The following PLOD2 variants were observed in gnomAD, a reference collection of about 807,000 sequenced individuals.
PLOD2 encodes the protein lysine hydroxylase 2.
In PLOD2, 65 loss-of-function variants were observed where a neutral mutation model predicts 101.0. That is an observed-to-expected ratio of 0.64 (90% CI 0.53 to 0.79). The LOEUF is 0.79. Among genes scored for constraint, PLOD2 ranks in the 30% least tolerant of loss-of-function variants. The pLI is 0.00. For missense variants in PLOD2, 909 were observed against 914.6 expected (o/e 0.99, Z 0.08); for synonymous variants, 314 against 302.9 (o/e 1.04, Z -0.38).
chr3:146,114,972 A>C (rs1386219968), intron 3 of PLOD2, among the ~76,000 whole-genome samples: 1 of 152,148 alleles, frequency 6.6e-6, no homozygotes, highest in African/African-American at 2.4e-5. Flanking sequence ...TTCTGTAGAA[A>C]ACTTGGGGGG....
At position 146,081,811 on chromosome 3, in the gene PLOD2, A is replaced by G; in HGVS notation, c.1285T>C (p.Trp429Arg). The stretch of plus-strand genomic sequence containing the variant: ...TATCCATCAGGACTCAATGCTCCCC[A>G]GAAATTGGACCACAGCTTTCCATGA... ...TRHGKLWSNF[W>R]GALSPDGYYA... Residue 429 changes from tryptophan (W) to arginine (R), a missense_variant, in exon 12 of 20, where the codon TGG becomes CGG. Transcript: ENST00000282903. The G allele has an allele frequency of 6.2e-7, 1 of 1,611,876 alleles. No individual in the cohort carries two copies. Among genetic ancestry groups the G allele is most frequent in the Non-Finnish European group, 8.5e-7 (1 of 1,178,106 alleles).
intron 3 of PLOD2, among the ~76,000 whole-genome samples, chr3:146,111,084 T>C (rs1257687168): frequency 3.3e-5 from 5 of 152,134 alleles, no homozygotes; most frequent in African/African-American, 1.2e-4. Context: ...TATAATATAA[T>C]TTCATTGATT....
chr3:146,139,085 A>G (rs2031392130), intron 1 of PLOD2, among the ~76,000 whole-genome samples: 1 of 152,148 alleles, frequency 6.6e-6, no homozygotes, highest in South Asian at 2.1e-4. Context: ...GAGTGTTCTG[A>G]ACAGTGTTCT....
intron 7 of PLOD2, among the ~76,000 whole-genome samples, chr3:146,096,442 C>T (rs1034029076): frequency 2.7e-5 from 3 of 110,086 alleles, no homozygotes; most frequent in Admixed American, 8.9e-5. Flanking sequence ...AAGCGAGGAG[C>T]GCCTCTTCCC....
intron 7 of PLOD2, among the ~76,000 whole-genome samples, chr3:146,096,042 A>G (rs1456423130): frequency 6.9e-6 from 1 of 144,218 alleles, no homozygotes; most frequent in Non-Finnish European, 1.5e-5. Context: ...GCGCGCCGCC[A>G]CGCCTGACTG....
rs1054071342 is a variant in PLOD2, at chr3:146,102,521, C to T, written c.777+234G>A. Among the ~76,000 whole-genome samples the T allele has an allele frequency of 4.6e-5, 7 of 152,196 alleles. No homozygotes were observed. In the East Asian group the frequency reaches 7.7e-4, roughly 17 times the overall value. On this transcript the variant is annotated intron_variant, in intron 7 of 19. Transcript: ENST00000282903. ...AGTTAGTTGTTATTATTTAATAAAA[C>T]GCCAAATGTGCTGTAAATAGAATAA...
intron 1 of PLOD2, among the ~76,000 whole-genome samples, chr3:146,126,386 T>C (rs1011480566): frequency 1.3e-5 from 2 of 152,154 alleles, no homozygotes; most frequent in Admixed American, 6.6e-5. Flanking sequence ...ATCACCCACA[T>C]GCTTTTTTTT....
intron 7 of PLOD2, among the ~76,000 whole-genome samples, chr3:146,099,853 T>C (rs913528443): frequency 1.3e-5 from 2 of 151,544 alleles, no homozygotes; most frequent in African/African-American, 2.4e-5. Context: ...TCTATTAAAT[T>C]TGCCTAGGGA....
chr3:146,096,923 G>C (rs1270584612), intron 7 of PLOD2, among the ~76,000 whole-genome samples: 1 of 142,320 alleles, frequency 7.0e-6, no homozygotes, highest in Non-Finnish European at 1.6e-5. Flanking sequence ...GGAGGTGAGG[G>C]GCGCCTCTGC....
intron 8 of PLOD2, 22 bp downstream of exon 8, chr3:146,091,778 A>G: frequency 1.6e-6 from 2 of 1,257,398 alleles, no homozygotes; most frequent in Non-Finnish European, 2.3e-6. Context: ...ACTACATTTC[A>G]CACATAATCA....
intron 1 of PLOD2, among the ~76,000 whole-genome samples, chr3:146,146,608 A>G (rs1167040665): frequency 6.6e-6 from 1 of 152,170 alleles, no homozygotes; most frequent in Non-Finnish European, 1.5e-5. Flanking sequence ...TTGTTGGTAT[A>G]GTCACTGCCT....
At chr3:146,151,130 T>C (rs889499264) in intron 1 of PLOD2, among the ~76,000 whole-genome samples, 1 of 152,168 alleles carries the variant, frequency 6.6e-6, no homozygotes, top group African/African-American at 2.4e-5. Flanking sequence ...TAACAAATAA[T>C]AGTAAGTTTT....
intron 1 of PLOD2, among the ~76,000 whole-genome samples, chr3:146,129,989 A>G (rs1386376320): frequency 6.6e-6 from 1 of 152,136 alleles, no homozygotes; most frequent in East Asian, 1.9e-4. Context: ...TAGATATCTG[A>G]CCATGTCACT....
intron 1 of PLOD2, among the ~76,000 whole-genome samples, chr3:146,155,671 C>T (rs536926778): frequency 1.1e-4 from 16 of 147,568 alleles, no homozygotes; most frequent in African/African-American, 3.0e-4. Flanking sequence ...GCCGAGATCA[C>T]GCCACTGCAC....
At chr3:146,135,372 T>C (rs1054499493) in intron 1 of PLOD2, among the ~76,000 whole-genome samples, 1 of 152,172 alleles carries the variant, frequency 6.6e-6, no homozygotes, top group Non-Finnish European at 1.5e-5. Context: ...ACTACAAATA[T>C]CATCTTCTAT....
intron 4 of PLOD2, among the ~76,000 whole-genome samples, chr3:146,109,208 A>C (rs1305813443): frequency 6.6e-6 from 1 of 152,248 alleles, no homozygotes; most frequent in Non-Finnish European, 1.5e-5. Context: ...GGAGAAAAGA[A>C]AATGGTCAAG....
At chr3:146,076,959 GA>G in intron 14 of PLOD2, 64 bp from the exon 15 acceptor site, 2 of 1,343,318 alleles carry the variant, frequency 1.5e-6, no homozygotes, top group South Asian at 2.6e-5. Context: ...TTAATCATAG[GA>G]AAAATATATA....
chr3:146,099,255 T>G (rs1441875841), intron 7 of PLOD2, among the ~76,000 whole-genome samples: 2 of 152,210 alleles, frequency 1.3e-5, no homozygotes, highest in African/African-American at 4.8e-5. Context: ...CTCCTTTTCT[T>G]GTGATATGTC....
At chr3:146,101,628 G>T (rs1199072924) in intron 7 of PLOD2, among the ~76,000 whole-genome samples, 1 of 152,190 alleles carries the variant, frequency 6.6e-6, no homozygotes, top group Non-Finnish European at 1.5e-5. Context: ...TAGTGACAGC[G>T]AGTTATCTAT....
Sources: allele counts gnomAD v4.1 joint callset (sites outside exome capture counted in the v4.1 genomes callset), GRCh38; gene constraint gnomAD v4.1.1; transcripts MANE v1.5; gene names NCBI Gene and HGNC (gene_info 2026-07-23, HGNC 2026-07-21).